DACH1: variants seen among roughly 807,000 people sequenced by gnomAD.
DACH1 encodes the protein dachshund homolog 1.
In DACH1, 12 loss-of-function variants were observed where a neutral mutation model predicts 54.2. That is an observed-to-expected ratio of 0.22 (90% confidence interval 0.14 to 0.36). DACH1 has a LOEUF of 0.36. Ranked by LOEUF, DACH1 falls within the 10% of genes least tolerant of loss-of-function variation. The pLI is 1.00. For synonymous variants in DACH1, 386 were observed against 366.2 expected (o/e 1.05, Z -0.62); for missense variants, 805 against 929.8 (o/e 0.87, Z 1.75).
rs188139259 is a variant in DACH1, at chr13:71,793,529, C to A, written c.848+72393G>T. 1.7e-3 allele frequency among the ~76,000 whole-genome samples: 259 copies of A among 152,044 alleles called. 3 individuals are homozygous for A. Among genetic ancestry groups the A allele is most frequent in the South Asian group, 6.2e-3 (30 of 4,818 alleles). On this transcript the variant is annotated intron_variant, in intron 1 of 10. Transcript: ENST00000613252. Reference sequence around the variant, plus strand: ...CTTCTCAACCCAGTGATATCTCTCTCTATTTATTTTTTTCTTTCTTTTTGG... The same window carrying A: ...CTTCTCAACCCAGTGATATCTCTCTATATTTATTTTTTTCTTTCTTTTTGG...
chr13:71,655,206 C>T (rs1453359044), intron 2 of DACH1, among the ~76,000 whole-genome samples: 2 of 152,152 alleles, frequency 1.3e-5, no homozygotes, highest in African/African-American at 2.4e-5. Context: ...TCATTTGATA[C>T]ACATATCATA....
intron 1 of DACH1, among the ~76,000 whole-genome samples, chr13:71,818,814 G>C (rs1476930436): frequency 6.6e-6 from 1 of 152,208 alleles, no homozygotes; most frequent in Non-Finnish European, 1.5e-5. Context: ...TTTTGACTTG[G>C]ATGCTATTCT....
chr13:71,651,210 A>C (rs2138622895), intron 2 of DACH1, among the ~76,000 whole-genome samples: 1 of 152,048 alleles, frequency 6.6e-6, no homozygotes, highest in African/African-American at 2.4e-5. Context: ...GTCTTTCAAA[A>C]GTGCATGAGG....
At chr13:71,696,327 T>C (rs1881830448) in intron 1 of DACH1, among the ~76,000 whole-genome samples, 1 of 152,180 alleles carries the variant, frequency 6.6e-6, no homozygotes, top group African/African-American at 2.4e-5. Context: ...ACAATAACTC[T>C]ATGATATAAC....
intron 3 of DACH1, among the ~76,000 whole-genome samples, chr13:71,579,533 T>C (rs1392443397): frequency 6.6e-6 from 1 of 152,126 alleles, no homozygotes; most frequent in African/African-American, 2.4e-5. Flanking sequence ...AAACAATGGC[T>C]TCTTTATCCT....
intron 1 of DACH1, among the ~76,000 whole-genome samples, chr13:71,836,699 A>G (rs1888798432): frequency 6.6e-6 from 1 of 152,062 alleles, no homozygotes; most frequent in Non-Finnish European, 1.5e-5. Flanking sequence ...GCCTTCAAAT[A>G]TTGACTCAAA....
Position 71,866,183 on chromosome 13 carries a change from G to T in DACH1, c.587C>A (p.Ala196Asp). 6.2e-7 allele frequency: 1 copy of T among 1,612,778 alleles called. No homozygotes were observed. Among genetic ancestry groups the T allele is most frequent in the Non-Finnish European group, 8.5e-7 (1 of 1,179,434 alleles). ...CTCCACCGTGAAGGAAGCCACTTTG[G>T]CCCCCCTCAGATCCACCATTTTGCA... ...NECKMVDLRGAKVASFTVEGC... is the reference protein window; with the variant it reads ...NECKMVDLRGDKVASFTVEGC... Residue 196 changes from alanine (A) to aspartate (D), a missense_variant, in exon 1 of 11, where the codon GCC (alanine) becomes GAC (aspartate). By Grantham distance (126) the Ala-to-Asp change is moderately radical. This residue lies in a region of DACH1 where 305 missense variants were observed against 308.7 expected (regional missense o/e 0.99). Transcript: ENST00000613252.
intron 1 of DACH1, among the ~76,000 whole-genome samples, chr13:71,762,940 G>A (rs531344401): frequency 3.9e-5 from 6 of 152,074 alleles, no homozygotes; most frequent in East Asian, 3.9e-4. Context: ...CATAAGTGAC[G>A]TATCACTGGC....
chr13:71,574,810 C>A (rs1200181417), intron 3 of DACH1, among the ~76,000 whole-genome samples: 1 of 152,014 alleles, frequency 6.6e-6, no homozygotes, highest in Non-Finnish European at 1.5e-5. Flanking sequence ...AAGTTTATAG[C>A]TTCATACAGA....
intron 1 of DACH1, among the ~76,000 whole-genome samples, chr13:71,828,354 A>C (rs1566527535): frequency 1.3e-5 from 2 of 151,946 alleles, no homozygotes; most frequent in Non-Finnish European, 1.5e-5. Context: ...TTCTCTCTCC[A>C]CAGCTTACTG....
intron 1 of DACH1, among the ~76,000 whole-genome samples, chr13:71,838,009 A>T (rs187164455): frequency 9.5e-4 from 40 of 42,054 alleles, no homozygotes; most frequent in African/African-American, 3.9e-3. Flanking sequence ...TGTGGTGGGG[A>T]GGGGGGAGGG....
At chr13:71,840,114 G>C (rs1888958349) in intron 1 of DACH1, among the ~76,000 whole-genome samples, 1 of 151,818 alleles carries the variant, frequency 6.6e-6, no homozygotes, top group Non-Finnish European at 1.5e-5. Context: ...ACCCAGCTAA[G>C]TTTTTCTATT....
intron 10 of DACH1, among the ~76,000 whole-genome samples, chr13:71,451,343 G>A (rs1380834793): frequency 1.3e-5 from 2 of 152,060 alleles, no homozygotes; most frequent in African/African-American, 4.8e-5. Flanking sequence ...CTGAAAGACT[G>A]GCTATAAATC....
intron 6 of DACH1, among the ~76,000 whole-genome samples, chr13:71,500,438 C>G (rs767443814): frequency 2.4e-4 from 37 of 152,154 alleles, no homozygotes; most frequent in Non-Finnish European, 4.1e-4. Flanking sequence ...TAAAACAGAA[C>G]GATTCTCAAA....
Position 71,475,106 on chromosome 13 carries a change from A to G in DACH1, c.2083+35T>C. ...AAAGCTGAGGAAAAACTCATATAGC[A>G]AGATCTAGATTTATAGCCTTCTGCA... On this transcript the variant is annotated intron_variant, in intron 10 of 10. Transcript: ENST00000613252. The G allele has an allele frequency of 1.9e-6, 3 of 1,594,802 alleles. No homozygotes were observed. In the South Asian group the frequency reaches 3.3e-5, roughly 18 times the overall value.
chr13:71,479,135 T>C (rs41283988), intron 8 of DACH1, 34 bp downstream of exon 8: 18 of 1,557,520 alleles, frequency 1.2e-5, no homozygotes, highest in Non-Finnish European at 1.6e-5. Flanking sequence ...ATATTTTCTG[T>C]AAATATTTAA....
chr13:71,449,719 T>A lies in DACH1; in HGVS notation c.2084-9027A>T, dbSNP rs898091214. ...TTTATTGCATCATTAAAAATTTTTT[T>A]AAAAAAGGCTGGTATGAAGTAAAGT... is the stretch of plus-strand genomic sequence containing the variant. On this transcript the variant is annotated intron_variant, in intron 10 of 10. Coordinates refer to ENST00000613252, the MANE Select transcript of DACH1 (RefSeq NM_080759.6). Among the ~76,000 whole-genome samples, 66 of 152,208 alleles carry A rather than the reference T, an allele frequency of 4.3e-4. 1 individual carries two copies. Among genetic ancestry groups the A allele is most frequent in the Admixed American group, 1.7e-3 (26 of 15,286 alleles).
At chr13:71,639,259 A>G (rs1047485959) in intron 2 of DACH1, among the ~76,000 whole-genome samples, 14 of 152,154 alleles carry the variant, frequency 9.2e-5, no homozygotes, top group Middle Eastern at 3.2e-3. Flanking sequence ...TCACTCTTGA[A>G]TGATTAAATA....
intron 10 of DACH1, among the ~76,000 whole-genome samples, chr13:71,449,556 G>A (rs552373993): frequency 3.2e-4 from 49 of 151,972 alleles, no homozygotes; most frequent in African/African-American, 1.1e-3. Flanking sequence ...GAGAGCATTA[G>A]GACAAATACC....
Sources: gnomAD v4.1 joint callset for allele counts (sites outside exome capture counted in the v4.1 genomes callset) on GRCh38, gnomAD v4.1.1 for gene constraint, gnomAD v4.1.1 regional missense constraint, MANE v1.5 for transcripts, NCBI Gene and HGNC (gene_info 2026-07-23, HGNC 2026-07-21) for gene names.